Variants in NEK10 observed in about 807,000 individuals in gnomAD.
The protein encoded by NEK10 is NIMA related kinase 10, also known as serine/threonine-protein kinase Nek10.
In NEK10, 122 loss-of-function variants were observed where a neutral mutation model predicts 159.8. The ratio of observed to expected loss-of-function variants is 0.76; its 90% CI spans 0.66 to 0.89. The LOEUF (loss-of-function observed/expected upper bound fraction) is 0.89. Ranked by LOEUF, NEK10 falls within the 40% of genes least tolerant of loss-of-function variation. NEK10 has a pLI of 0.00. For missense variants in NEK10, 1,342 were observed against 1,323.1 expected (o/e 1.01, Z -0.22); for synonymous variants, 466 against 457.1 (o/e 1.02, Z -0.25).
chr3:27,299,593 C>T (rs1223987436), intron 13 of NEK10, among the ~76,000 whole-genome samples: 1 of 152,158 alleles, frequency 6.6e-6, no homozygotes, highest in South Asian at 2.1e-4. Context: ...GATCCACTGA[C>T]AAGTGTGCAC....
intron 35 of NEK10, among the ~76,000 whole-genome samples, chr3:27,115,588 A>G (rs896087146): frequency 6.6e-6 from 1 of 152,182 alleles, no homozygotes; most frequent in Non-Finnish European, 1.5e-5. Context: ...AAGTGATAGG[A>G]GTGAGTTTTC....
intron 6 of NEK10, among the ~76,000 whole-genome samples, chr3:27,320,393 C>A (rs924007587): frequency 6.0e-4 from 91 of 152,290 alleles, no homozygotes; most frequent in African/African-American, 2.1e-3. Flanking sequence ...ATTAACTGGA[C>A]CTTCCTCCTG....
chr3:27,206,954 A>G (rs552035864), intron 23 of NEK10, among the ~76,000 whole-genome samples: 1 of 152,184 alleles, frequency 6.6e-6, no homozygotes, highest in East Asian at 1.9e-4. Context: ...AAACATTTCT[A>G]TTTATTTTTC....
At chr3:27,179,863 C>T (rs976924693) in intron 26 of NEK10, among the ~76,000 whole-genome samples, 6 of 152,096 alleles carry the variant, frequency 3.9e-5, no homozygotes, top group Non-Finnish European at 8.8e-5. Context: ...GACAGATCAC[C>T]TGAGGTCAGG....
chr3:27,162,507 C>T (rs1255613473), intron 30 of NEK10, 194 bp downstream of exon 30: 3 of 1,614,154 alleles, frequency 1.9e-6, no homozygotes, highest in South Asian at 2.2e-5. Flanking sequence ...GGCTATGGGA[C>T]TGCCACCCTG....
chr3:27,309,375 C>G (rs932666248), intron 9 of NEK10: 1 of 149,950 alleles, frequency 6.7e-6, no homozygotes, highest in African/African-American at 2.4e-5. Context: ...CCCTATCAAG[C>G]CTTATGCAGC....
At chr3:27,171,905 T>C in intron 28 of NEK10, 32 bp from the exon 29 acceptor site, 2 of 1,594,176 alleles carry the variant, frequency 1.3e-6, no homozygotes, top group South Asian at 2.3e-5. Flanking sequence ...AACTTTACAT[T>C]ATTTCCTCTG....
chr3:27,210,868 G>A (rs1212476204), intron 23 of NEK10, among the ~76,000 whole-genome samples: 1 of 152,164 alleles, frequency 6.6e-6, no homozygotes, highest in Non-Finnish European at 1.5e-5. Context: ...CACTCCACCT[G>A]GAAGAGTTGT....
At chr3:27,176,526 C>T (rs1474136734) in intron 26 of NEK10, among the ~76,000 whole-genome samples, 1 of 152,166 alleles carries the variant, frequency 6.6e-6, no homozygotes, top group Non-Finnish European at 1.5e-5. Flanking sequence ...ACCCCTGATA[C>T]CAAATCCAGG....
rs1951243499 is a variant in NEK10 at position 27,213,870 on chromosome 3, GA to G, written c.2091-11314del. On this transcript the variant is annotated intron_variant, in intron 23 of 35. Coordinates refer to ENST00000691995, the MANE Select transcript of NEK10 (RefSeq NM_001394966.1). ...CCCTGCAAAGCTGTCTCTTGTGGGG[GA>G]AATGCATTTTGCAGAGAATCTCCTT... Among the ~76,000 whole-genome samples the G allele has an allele frequency of 2.0e-5, 3 of 152,182 alleles. No homozygotes were observed. In the South Asian group the frequency reaches 6.2e-4, roughly 31 times the overall value.
At chr3:27,224,188 A>G (rs977163374) in intron 23 of NEK10, among the ~76,000 whole-genome samples, 2 of 152,220 alleles carry the variant, frequency 1.3e-5, no homozygotes, top group African/African-American at 2.4e-5. Flanking sequence ...TTCCCTTCCC[A>G]GATCTGTCCT....
At chr3:27,366,133 G>T (rs574413637) in intron 1 of NEK10, among the ~76,000 whole-genome samples, 56 of 152,168 alleles carry the variant, frequency 3.7e-4, no homozygotes, top group African/African-American at 1.3e-3. Flanking sequence ...TGCTCCTGAG[G>T]CATACTGACC....
chr3:27,217,604 G>C (rs1414333600), intron 23 of NEK10, among the ~76,000 whole-genome samples: 1 of 152,158 alleles, frequency 6.6e-6, no homozygotes, highest in Non-Finnish European at 1.5e-5. Context: ...TGAGATTTGG[G>C]TGGGGACACA....
intron 35 of NEK10, among the ~76,000 whole-genome samples, chr3:27,112,475 T>C (rs918480080): frequency 6.6e-6 from 1 of 152,060 alleles, no homozygotes; most frequent in Admixed American, 6.5e-5. Flanking sequence ...AATTTTGCAA[T>C]GACGATGATG....
intron 23 of NEK10, among the ~76,000 whole-genome samples, chr3:27,211,868 A>G (rs2149099177): frequency 6.6e-6 from 1 of 152,296 alleles, no homozygotes; most frequent in South Asian, 2.1e-4. Context: ...AAAACAGACT[A>G]TTTTTTAAAA....
At chr3:27,188,010 A>C (rs1236394672) in intron 26 of NEK10, among the ~76,000 whole-genome samples, 1 of 152,206 alleles carries the variant, frequency 6.6e-6, no homozygotes, top group Non-Finnish European at 1.5e-5. Flanking sequence ...AACTAGCTGG[A>C]TGAACTTGGA....
chr3:27,267,891 A>G (rs2041035995), intron 22 of NEK10, among the ~76,000 whole-genome samples: 1 of 152,256 alleles, frequency 6.6e-6, no homozygotes, highest in Non-Finnish European at 1.5e-5. Context: ...GGCCTCTGGC[A>G]TCAAACAGCC....
chr3:27,175,905 AC>A (rs1285651006), intron 26 of NEK10, among the ~76,000 whole-genome samples: 2 of 152,232 alleles, frequency 1.3e-5, no homozygotes, highest in African/African-American at 4.8e-5. Context: ...GCACTTCTTG[AC>A]TAAAAAGGCT....
chr3:27,247,167 A>G (rs538124766), intron 23 of NEK10, among the ~76,000 whole-genome samples: 1 of 152,302 alleles, frequency 6.6e-6, no homozygotes, highest in African/African-American at 2.4e-5. Context: ...TATTTTGAAT[A>G]ACAATGATGA....
Sources: gnomAD v4.1 joint callset for allele counts (sites outside exome capture counted in the v4.1 genomes callset) on GRCh38, gnomAD v4.1.1 for gene constraint, MANE v1.5 for transcripts, NCBI Gene and HGNC (gene_info 2026-07-23, HGNC 2026-07-21) for gene names.